The following PPP1R9A variants were observed in gnomAD, a reference collection of about 807,000 sequenced individuals.
PPP1R9A encodes the protein protein phosphatase 1 regulatory subunit 9A.
A neutral mutation model predicts 141.9 loss-of-function variants in PPP1R9A; 59 were observed. The observed-to-expected ratio is 0.42, with a 90% CI of 0.34 to 0.52. The LOEUF (loss-of-function observed/expected upper bound fraction) is 0.52. PPP1R9A is among the 20% of genes least tolerant of loss of function. The pLI is 0.10. For missense variants in PPP1R9A, 1,444 were observed against 1,611.9 expected (o/e 0.90, Z 1.78); for synonymous variants, 500 against 569.7 (o/e 0.88, Z 1.74).
chr7:95,179,777 G>GCAAAA (rs1554544799), intron 5 of PPP1R9A, among the ~76,000 whole-genome samples: 1 of 30,494 alleles, frequency 3.3e-5, no homozygotes, highest in Non-Finnish European at 5.9e-5. Flanking sequence ...TACAATAGCT[G>GCAAAA]CAAAAAAAAA....
intron 2 of PPP1R9A, among the ~76,000 whole-genome samples, chr7:94,934,663 G>A (rs1023015961): frequency 7.9e-5 from 12 of 151,728 alleles, no homozygotes; most frequent in Non-Finnish European, 1.3e-4. Context: ...TGTTATCGAT[G>A]TTATGTTTTA....
intron 2 of PPP1R9A, among the ~76,000 whole-genome samples, chr7:95,099,604 A>AT (rs1415199121): frequency 2.6e-5 from 4 of 152,118 alleles, no homozygotes; most frequent in Admixed American, 6.5e-5. Context: ...TTTATGAAGG[A>AT]TTTTTTTCCC....
At chr7:94,973,549 G>A (rs1348039085) in intron 2 of PPP1R9A, among the ~76,000 whole-genome samples, 1 of 152,152 alleles carries the variant, frequency 6.6e-6, no homozygotes, top group African/African-American at 2.4e-5. Context: ...GAATTAGCAT[G>A]TTGAATGAAC....
intron 2 of PPP1R9A, among the ~76,000 whole-genome samples, chr7:94,926,572 CAAAAATTTAATT>C (rs1238669067): frequency 2.0e-5 from 3 of 152,082 alleles, no homozygotes; most frequent in African/African-American, 7.2e-5. Flanking sequence ...TGAAAGTTAT[CAAAAATTTAATT>C]AACTAAAAAA....
chr7:95,038,217 A>G (rs1328386073), intron 2 of PPP1R9A, among the ~76,000 whole-genome samples: 1 of 152,188 alleles, frequency 6.6e-6, no homozygotes, highest in African/African-American at 2.4e-5. Flanking sequence ...ATTTGAGGTT[A>G]CAGGGCAAAC....
chr7:95,019,976 G>C (rs1484442496), intron 2 of PPP1R9A, among the ~76,000 whole-genome samples: 1 of 152,014 alleles, frequency 6.6e-6, no homozygotes, highest in Admixed American at 6.6e-5. Context: ...GGTGAATGGA[G>C]AAACAAACTG....
At chr7:95,108,293 T>TCG (rs1819871857) in intron 2 of PPP1R9A, among the ~76,000 whole-genome samples, 2 of 146,178 alleles carry the variant, frequency 1.4e-5, no homozygotes, top group Non-Finnish European at 3.0e-5. Flanking sequence ...TTTCTTTTCT[T>TCG]TTTCGTTTCT....
chr7:94,941,492 G>A (rs1054537424), intron 2 of PPP1R9A, among the ~76,000 whole-genome samples: 1 of 151,948 alleles, frequency 6.6e-6, no homozygotes, highest in Non-Finnish European at 1.5e-5. Context: ...CCTCTTCATT[G>A]TACTCTTTTT....
chr7:94,959,618 T>C (rs1004473641), intron 2 of PPP1R9A, among the ~76,000 whole-genome samples: 2 of 151,712 alleles, frequency 1.3e-5, no homozygotes, highest in African/African-American at 4.8e-5. Flanking sequence ...ATAGTGACTG[T>C]AATGTTCTCT....
intron 4 of PPP1R9A, chr7:95,155,835 A>G (rs1325571099): frequency 1.3e-5 from 2 of 152,222 alleles, no homozygotes; most frequent in Non-Finnish European, 2.9e-5. Context: ...CATACAATCT[A>G]TTTAATATTT....
rs1312102406 is a variant in PPP1R9A at position 94,911,282 on chromosome 7, T to C, written c.1169T>C (p.Phe390Ser). The change falls in exon 2 of 20, where the codon TTT (phenylalanine) becomes TCT (serine). Residue 390 changes from phenylalanine (F) to serine (S), a missense_variant. Coordinates refer to ENST00000433360, the MANE Select transcript of PPP1R9A (RefSeq NM_001166160.2). ...GKEVPEDSNN[F>S]DGSHVYMHSD... ...GAAGTACCTGAAGATTCAAATAATT[T>C]TGATGGTTCCCATGTGTACATGCAC... is the stretch of plus-strand genomic sequence containing the variant. The C allele has an allele frequency of 6.2e-7, 1 of 1,614,116 alleles. No homozygotes were observed. The highest frequency in any genetic ancestry group is 1.7e-5 in the Admixed American group (1 of 60,024).
chr7:95,025,030 G>A (rs771172036), intron 2 of PPP1R9A, among the ~76,000 whole-genome samples: 5 of 151,848 alleles, frequency 3.3e-5, no homozygotes, highest in Non-Finnish European at 5.9e-5. Context: ...TCTCCTTTGC[G>A]TATGAAGCTT....
At chr7:95,144,702 C>CT (rs2152593972) in intron 4 of PPP1R9A, among the ~76,000 whole-genome samples, 1 of 152,226 alleles carries the variant, frequency 6.6e-6, no homozygotes, top group African/African-American at 2.4e-5. Context: ...ACTCTTGCCA[C>CT]TTATCAACAT....
intron 12 of PPP1R9A, among the ~76,000 whole-genome samples, chr7:95,254,616 A>G (rs1799331323): frequency 6.6e-6 from 1 of 152,170 alleles, no homozygotes; most frequent in Non-Finnish European, 1.5e-5. Flanking sequence ...GTGGTTTAGC[A>G]TGTTTTTAGG....
intron 16 of PPP1R9A, among the ~76,000 whole-genome samples, chr7:95,283,689 T>C (rs1804713787): frequency 6.6e-6 from 1 of 152,192 alleles, no homozygotes; most frequent in Non-Finnish European, 1.5e-5. Context: ...ATAAAGGGAA[T>C]GCAGTGATGA....
intron 6 of PPP1R9A, 75 bp downstream of exon 6, chr7:95,198,559 G>A: frequency 7.1e-7 from 1 of 1,414,224 alleles, no homozygotes. Flanking sequence ...ATAACAGTAT[G>A]ACAGGTTTTA....
At chr7:95,081,795 T>G (rs1468833271) in intron 2 of PPP1R9A, among the ~76,000 whole-genome samples, 3 of 152,202 alleles carry the variant, frequency 2.0e-5, no homozygotes, top group Admixed American at 6.5e-5. Context: ...TTGCTACAAT[T>G]ATGAAGCATT....
At chr7:94,923,677 T>C (rs565257683) in intron 2 of PPP1R9A, among the ~76,000 whole-genome samples, 2 of 152,348 alleles carry the variant, frequency 1.3e-5, no homozygotes, top group Non-Finnish European at 2.9e-5. Context: ...TAGTATGTTA[T>C]ATTTTTAGTT....
At chr7:95,113,345 A>C (rs1040794117) in intron 3 of PPP1R9A, among the ~76,000 whole-genome samples, 3 of 152,196 alleles carry the variant, frequency 2.0e-5, no homozygotes, top group African/African-American at 7.2e-5. Flanking sequence ...ACTAATAATA[A>C]TCATAGAAGA....
Sources: gnomAD v4.1 joint callset for allele counts (sites outside exome capture counted in the v4.1 genomes callset) on GRCh38, gnomAD v4.1.1 for gene constraint, MANE v1.5 for transcripts, NCBI Gene and HGNC (gene_info 2026-07-23, HGNC 2026-07-21) for gene names.